The following ABCC1 variants were observed in gnomAD, a reference collection of about 807,000 sequenced individuals.
The protein encoded by ABCC1 is multidrug resistance-associated protein 1.
A neutral mutation model predicts 172.9 loss-of-function variants in ABCC1; 83 were observed. That is an observed-to-expected ratio of 0.48 (90% CI 0.40 to 0.58). ABCC1 has a LOEUF of 0.58. Ranked by LOEUF, ABCC1 falls within the 20% of genes least tolerant of loss-of-function variation. The pLI is 0.00. For synonymous variants in ABCC1, 937 were observed against 825.2 expected (o/e 1.14, Z -2.32); for missense variants, 1,817 against 2,002.7 (o/e 0.91, Z 1.77).
chr16:16,118,763 A>T (rs1459595865), intron 23 of ABCC1, among the ~76,000 whole-genome samples: 2 of 151,942 alleles, frequency 1.3e-5, no homozygotes, highest in Non-Finnish European at 2.9e-5. Flanking sequence ...GAAGGGAGGC[A>T]GATACATGAA....
chr16:16,024,301 A>G (rs1308699267), intron 5 of ABCC1, among the ~76,000 whole-genome samples: 2 of 122,452 alleles, frequency 1.6e-5, no homozygotes, highest in Non-Finnish European at 3.6e-5. Context: ...AAGAGTCAGC[A>G]TCAGAGATCA....
chr16:16,115,360 CT>C (rs1390813510), intron 23 of ABCC1, among the ~76,000 whole-genome samples: 1 of 151,428 alleles, frequency 6.6e-6, no homozygotes, highest in Non-Finnish European at 1.5e-5. Flanking sequence ...ATTAAAATTT[CT>C]TTTTTTTTCT....
At chr16:16,006,000 A>T (rs114549586) in intron 1 of ABCC1, among the ~76,000 whole-genome samples, 1,798 of 151,740 alleles carry the variant, frequency 0.012, 49 homozygotes, top group African/African-American at 0.042. Context: ...TCAAGAAAAA[A>T]AAAAATAAAA....
At chr16:16,110,070 C>A (rs2052318948) in intron 21 of ABCC1, among the ~76,000 whole-genome samples, 2 of 151,866 alleles carry the variant, frequency 1.3e-5, no homozygotes. Context: ...GCTGGTTCTG[C>A]CACCTTTTTT....
chr16:15,975,893 C>T (rs1183371408), intron 1 of ABCC1, among the ~76,000 whole-genome samples: 5 of 152,124 alleles, frequency 3.3e-5, no homozygotes, highest in South Asian at 2.1e-4. Context: ...ATAAGCATGT[C>T]CTATATGCAT....
intron 18 of ABCC1, among the ~76,000 whole-genome samples, chr16:16,089,700 T>A (rs898345041): frequency 6.6e-6 from 1 of 151,960 alleles, no homozygotes; most frequent in Non-Finnish European, 1.5e-5. Flanking sequence ...TGAAACGCCA[T>A]CTCTACTAAA....
Position 16,131,908 on chromosome 16 carries a change from C to G in ABCC1, c.3939C>G (p.Ile1313Met). ...REDLDFVLRH[I>M]NVTINGGEKV... Reference sequence around the variant, plus strand: ...ACCTGGACTTCGTTCTCAGGCACATCAATGTCACGATCAATGGGGGAGAAA... The same window carrying G: ...ACCTGGACTTCGTTCTCAGGCACATGAATGTCACGATCAATGGGGGAGAAA... Residue 1313 changes from isoleucine (I) to methionine (M), a missense_variant, in exon 27 of 31, where the codon ATC becomes ATG. Ile to Met is a conservative substitution (Grantham distance 10). Coordinates refer to ENST00000399410, the MANE Select transcript of ABCC1 (RefSeq NM_004996.4). The G allele has an allele frequency of 1.9e-6, 3 of 1,614,060 alleles. No homozygotes were observed. Among genetic ancestry groups the G allele is most frequent in the Non-Finnish European group, 2.5e-6 (3 of 1,179,976 alleles).
In ABCC1 at chr16:16,122,030, C is replaced by T; in HGVS notation, c.3446C>T (p.Ser1149Phe). The T allele has an allele frequency of 5.6e-6, 9 of 1,614,222 alleles. No individual in the cohort carries two copies. Among genetic ancestry groups the T allele is most frequent in the Non-Finnish European group, 7.6e-6 (9 of 1,180,036 alleles). Reference sequence around the variant, plus strand: ...AAGCGCCTCGAGTCGGTCAGCCGCTCCCCGGTCTATTCCCATTTCAACGAG... The same window carrying T: ...AAGCGCCTCGAGTCGGTCAGCCGCTTCCCGGTCTATTCCCATTTCAACGAG... ...QLKRLESVSR[S>F]PVYSHFNETL... is the part of the protein sequence containing the mutation. Residue 1149 changes from serine (S) to phenylalanine (F), a missense_variant, in exon 24 of 31, where the codon TCC becomes TTC. By Grantham distance (155) the Ser-to-Phe change is radical (BLOSUM62 -2). Around this residue, in one of 3 missense-constraint regions of ABCC1, gnomAD observed 1,412 missense variants for 1,600.3 expected, o/e 0.88. Transcript: ENST00000399410.
intron 5 of ABCC1, among the ~76,000 whole-genome samples, chr16:16,028,103 T>C (rs2048437639): frequency 6.6e-6 from 1 of 152,130 alleles, no homozygotes; most frequent in African/African-American, 2.4e-5. Context: ...CCCTGCCGCC[T>C]TCCTTTTCCT....
chr16:16,057,366 TA>T (rs747489467), intron 12 of ABCC1, among the ~76,000 whole-genome samples: 514 of 132,914 alleles, frequency 3.9e-3, no homozygotes, highest in Middle Eastern at 7.5e-3. Context: ...CTCAAAAAAG[TA>T]AAAAAAAAAA....
chr16:16,128,620 GCTCA>G (rs1370449992), intron 26 of ABCC1, among the ~76,000 whole-genome samples: 1 of 151,982 alleles, frequency 6.6e-6, no homozygotes. Flanking sequence ...TCTCCATTCC[GCTCA>G]CTGTGTTGTT....
chr16:15,973,658 C>T (rs1290933836), intron 1 of ABCC1, among the ~76,000 whole-genome samples: 5 of 152,044 alleles, frequency 3.3e-5, no homozygotes, highest in Non-Finnish European at 7.4e-5. Context: ...ATCAGATCTC[C>T]AGCAATCGTG....
chr16:16,120,795 G>A (rs774276834), intron 23 of ABCC1, among the ~76,000 whole-genome samples: 4 of 152,058 alleles, frequency 2.6e-5, no homozygotes, highest in Non-Finnish European at 4.4e-5. Context: ...ACAGCGCTGG[G>A]AGGCCATCGG....
intron 2 of ABCC1, among the ~76,000 whole-genome samples, chr16:16,008,842 C>CAAA (rs1208088210): frequency 0.043 from 2,608 of 60,124 alleles, 147 homozygotes; most frequent in African/African-American, 0.14. Context: ...GACTCCTTCT[C>CAAA]AAAAAAAAAA....
intron 20 of ABCC1, among the ~76,000 whole-genome samples, chr16:16,104,994 C>T (rs901538010): frequency 6.6e-6 from 1 of 152,120 alleles, no homozygotes; most frequent in Non-Finnish European, 1.5e-5. Flanking sequence ...GCTCCGGTTC[C>T]CTCCCGTTCC....
rs1469887732 is a variant in ABCC1, at chr16:16,090,464, C to G, written c.2520C>G (p.Val840=). 1 of 1,613,802 alleles carries G rather than the reference C, an allele frequency of 6.2e-7. No homozygotes were observed. Among genetic ancestry groups the G allele is most frequent in the Non-Finnish European group, 8.5e-7 (1 of 1,179,974 alleles). Residue 840 remains valine, a synonymous_variant, in exon 19 of 31, where the codon GTC becomes GTG. Transcript: ENST00000399410. ...TGCCGCAGGTGGACGTCATCATCGTCATGAGTGGCGGCAAGATCTCTGAGA... is the reference window on the plus strand; with the variant it reads ...TGCCGCAGGTGGACGTCATCATCGTGATGAGTGGCGGCAAGATCTCTGAGA... ...SYLPQVDVII[V]MSGGKISEMG...
intron 19 of ABCC1, chr16:16,094,522 T>TA (rs1380722218): frequency 9.6e-5 from 5 of 52,050 alleles, no homozygotes; most frequent in African/African-American, 3.3e-4. Flanking sequence ...TTTTTCTTTT[T>TA]CTTTTTTTTG....
At chr16:16,021,381 C>T (rs1244869970) in intron 5 of ABCC1, among the ~76,000 whole-genome samples, 3 of 151,838 alleles carry the variant, frequency 2.0e-5, no homozygotes, top group Non-Finnish European at 4.4e-5. Context: ...GCCATTTTAA[C>T]CATTTTAAGT....
Position 16,090,397 on chromosome 16 carries a change from G to A in ABCC1, c.2461-8G>A. The A allele has an allele frequency of 1.3e-6, 2 of 1,578,088 alleles. No individual in the cohort carries two copies. Among genetic ancestry groups the A allele is most frequent in the South Asian group, 2.3e-5 (2 of 86,488 alleles). On this transcript the variant is annotated splice_polypyrimidine_tract_variant and splice_region_variant and intron_variant, in intron 18 of 30. Transcript: ENST00000399410. ...ACTCACGTGGCCGGGTGTCCCCTTT[G>A]CCCACAGACGCGGATCTTGGTCACG...
Sources: gnomAD v4.1 joint callset for allele counts (sites outside exome capture counted in the v4.1 genomes callset) on GRCh38, gnomAD v4.1.1 for gene constraint, gnomAD v4.1.1 regional missense constraint, MANE v1.5 for transcripts, NCBI Gene and HGNC (gene_info 2026-07-23, HGNC 2026-07-21) for gene names.